DGLUCY: variants seen among roughly 807,000 people sequenced by gnomAD.
DGLUCY encodes D-glutamate cyclase, also known as D-glutamate cyclase, mitochondrial.
A neutral mutation model predicts 58.5 loss-of-function variants in DGLUCY; 58 were observed. The observed-to-expected ratio is 0.99, with a 90% CI of 0.80 to 1.23. The LOEUF (loss-of-function observed/expected upper bound fraction) is 1.23, where lower values mean the gene tolerates loss of function less well. Among genes scored for constraint, DGLUCY ranks in the 50% most tolerant of loss-of-function variants. DGLUCY has a pLI of 0.00. For synonymous variants in DGLUCY, 325 were observed against 314.1 expected (o/e 1.03, Z -0.37); for missense variants, 779 against 784.7 (o/e 0.99, Z 0.09).
chr14:91,110,413 T>C (rs1466434716), upstream of DGLUCY, among the ~76,000 whole-genome samples: 1 of 136,286 alleles, frequency 7.3e-6, no homozygotes, highest in Non-Finnish European at 1.5e-5. Context: ...TGTTTTTCTT[T>C]CTTTCTTTCT....
intron 1 of DGLUCY, among the ~76,000 whole-genome samples, chr14:91,099,856 C>T (rs556132591): frequency 1.3e-5 from 2 of 152,054 alleles, no homozygotes; most frequent in Non-Finnish European, 2.9e-5. Flanking sequence ...AGTTTCCTCA[C>T]CTTCGACATC....
intron 11 of DGLUCY, 56 bp from the exon 12 acceptor site, chr14:91,204,650 G>T (rs1402175804): frequency 1.3e-5 from 20 of 1,594,312 alleles, no homozygotes; most frequent in Non-Finnish European, 1.4e-5. Flanking sequence ...CCTTGCTTCA[G>T]GCCTCCCCCA....
Position 91,167,345 on chromosome 14 carries a change from T to C in DGLUCY, c.224T>C (p.Met75Thr). The C allele has an allele frequency of 1.2e-6, 2 of 1,614,100 alleles. No individual in the cohort carries two copies. The change falls in exon 4 of 14, where the codon ATG (methionine) becomes ACG (threonine). Residue 75 changes from methionine to threonine, a missense_variant. Transcript: ENST00000256324. ...GGCCAGAGTGAGCCAGAAAAGTGGA[T>C]GCTGCCCCCTCAAGGTGCTATCTCA... is the stretch of plus-strand genomic sequence containing the variant. ...LLGQSEPEKW[M>T]LPPQGAISET... is the part of the protein sequence containing the mutation.
At chr14:91,130,213 T>G (rs1442028607) in intron 1 of DGLUCY, among the ~76,000 whole-genome samples, 1 of 152,206 alleles carries the variant, frequency 6.6e-6, no homozygotes, top group Non-Finnish European at 1.5e-5. Context: ...TCGATTTTAA[T>G]TTTTGTCAAC....
At chr14:91,162,988 C>T (rs183586944) in intron 3 of DGLUCY, among the ~76,000 whole-genome samples, 39 of 151,428 alleles carry the variant, frequency 2.6e-4, no homozygotes, top group African/African-American at 8.2e-4. Flanking sequence ...CTGGGCATGA[C>T]GGCTCACACC....
chr14:91,086,064 A>C (rs1427454388), intron 1 of DGLUCY, among the ~76,000 whole-genome samples: 1 of 152,180 alleles, frequency 6.6e-6, no homozygotes, highest in East Asian at 1.9e-4. Context: ...TCAGGGGAGC[A>C]TGAACCCTAT....
chr14:91,081,255 CCTATCTGTGTT>C, intron 1 of DGLUCY, among the ~76,000 whole-genome samples: 1 of 152,166 alleles, frequency 6.6e-6, no homozygotes, highest in Non-Finnish European at 1.5e-5. Context: ...ATGAGTAAGC[CCTATCTGTGTT>C]CTACACAAAC....
intron 1 of DGLUCY, among the ~76,000 whole-genome samples, chr14:91,133,412 C>T (rs1233012608): frequency 6.6e-6 from 1 of 152,116 alleles, no homozygotes; most frequent in Non-Finnish European, 1.5e-5. Context: ...CATTGGCTTC[C>T]ACCTTTTGGC....
At chr14:91,165,078 C>T (rs1020303770) in intron 3 of DGLUCY, among the ~76,000 whole-genome samples, 2 of 152,218 alleles carry the variant, frequency 1.3e-5, no homozygotes, top group Non-Finnish European at 2.9e-5. Context: ...TCCACTCTTC[C>T]CTCCCCTTTC....
rs559794743 is a variant in DGLUCY at position 91,087,847 on chromosome 14, T to C, written c.-82+27143T>C. On this transcript the variant is annotated intron_variant, in intron 1 of 4. Transcript: ENST00000521334. ...ACCCCTTCTGCAGAAAGTAAAAATG[T>C]CCTTGCTAAGGAAATTAAATTTATG... Among the ~76,000 whole-genome samples the C allele has an allele frequency of 1.9e-4, 29 of 152,344 alleles. No individual in the cohort carries two copies. The South Asian group carries it at 6.0e-3, about 32-fold the overall frequency.
chr14:91,161,657 GCT>G (rs2047991868), intron 3 of DGLUCY, among the ~76,000 whole-genome samples: 1 of 152,070 alleles, frequency 6.6e-6, no homozygotes, highest in Non-Finnish European at 1.5e-5. Flanking sequence ...CGCATACCAA[GCT>G]TCTGCTTGCA....
rs922566384 is a variant in DGLUCY at position 91,224,635 on chromosome 14, C to A, written c.1717-49C>A. The A allele has an allele frequency of 9.3e-6, 14 of 1,513,464 alleles. No individual in the cohort carries two copies. In the East Asian group the frequency reaches 2.1e-4, roughly 23 times the overall value. The allele number at this position is 1,513,464 out of a possible 1,614,324, so 93.8% of individuals were successfully genotyped here. A position where few individuals can be genotyped will look rare whatever the true frequency, so the allele number is the denominator to read the frequency against. Reference sequence around the variant, plus strand: ...TTATAAATGTGTATAAAAGAAATTTCTTTTTCCTCCCCCTCCACTCCTTCT... The same window carrying A: ...TTATAAATGTGTATAAAAGAAATTTATTTTTCCTCCCCCTCCACTCCTTCT... On this transcript the variant is annotated intron_variant, in intron 13 of 13. Coordinates refer to ENST00000256324, the MANE Select transcript of DGLUCY (RefSeq NM_001102368.3).
At chr14:91,199,622 C>A in intron 10 of DGLUCY, 135 bp from the exon 11 acceptor site, 1 of 1,016,844 alleles carries the variant, frequency 9.8e-7, no homozygotes, top group East Asian at 2.4e-5. Flanking sequence ...AGTAGATGTG[C>A]CACCAAGTTC....
chr14:91,099,163 C>A (rs2044442751), intron 1 of DGLUCY, among the ~76,000 whole-genome samples: 1 of 152,286 alleles, frequency 6.6e-6, no homozygotes, highest in East Asian at 1.9e-4. Flanking sequence ...TACTTCCTAA[C>A]CTACTGAAGA....
At chr14:91,194,790 C>T (rs1469952783) in intron 9 of DGLUCY, among the ~76,000 whole-genome samples, 1 of 152,148 alleles carries the variant, frequency 6.6e-6, no homozygotes, top group African/African-American at 2.4e-5. Context: ...CTGCCCGCCT[C>T]AGACTCCCAG....
chr14:91,184,908 C>G (rs959837552), intron 8 of DGLUCY, among the ~76,000 whole-genome samples: 3 of 152,098 alleles, frequency 2.0e-5, no homozygotes, highest in Non-Finnish European at 4.4e-5. Flanking sequence ...AGATACACCT[C>G]ATAGGTTATG....
intron 9 of DGLUCY, among the ~76,000 whole-genome samples, chr14:91,192,701 G>A (rs1437360386): frequency 6.6e-6 from 1 of 152,178 alleles, no homozygotes; most frequent in Non-Finnish European, 1.5e-5. Context: ...CTACCTGGAA[G>A]GCTGAGACAC....
intron 9 of DGLUCY, among the ~76,000 whole-genome samples, chr14:91,195,673 T>TTG (rs1326911247): frequency 6.1e-5 from 9 of 147,412 alleles, no homozygotes; most frequent in Middle Eastern, 3.4e-3. Context: ...GGGTTTTGTT[T>TTG]TTTTTTTTTT....
intron 1 of DGLUCY, among the ~76,000 whole-genome samples, chr14:91,145,775 G>GT (rs1450885476): frequency 6.6e-6 from 1 of 152,186 alleles, no homozygotes; most frequent in Non-Finnish European, 1.5e-5. Context: ...TCCCCATTTT[G>GT]TAGATGGGAA....
Sources: gnomAD v4.1 joint callset for allele counts (sites outside exome capture counted in the v4.1 genomes callset) on GRCh38, gnomAD v4.1.1 for gene constraint, MANE v1.5 for transcripts, NCBI Gene and HGNC (gene_info 2026-07-23, HGNC 2026-07-21) for gene names.